Variants in PFAS observed in about 807,000 individuals in gnomAD.
The protein encoded by PFAS is phosphoribosylformylglycinamidine synthase.
PFAS carries 97 observed loss-of-function variants against 140.6 expected under a neutral mutation model. The observed-to-expected ratio is 0.69, with a 90% CI of 0.59 to 0.82. The LOEUF (loss-of-function observed/expected upper bound fraction) is 0.82, where lower values mean the gene tolerates loss of function less well. Among genes scored for constraint, PFAS ranks in the 40% least tolerant of loss-of-function variants. PFAS has a pLI of 0.00. For missense variants in PFAS, 1,656 were observed against 1,780.2 expected (o/e 0.93, Z 1.26); for synonymous variants, 679 against 718.8 (o/e 0.94, Z 0.88).
rs1368264352 is a variant in PFAS at position 8,267,636 on chromosome 17, G to C, written c.3353G>C (p.Ser1118Thr). Residue 1118 changes from serine (S) to threonine (T), a missense_variant, in exon 26 of 28, where the codon AGC becomes ACC. Physicochemically the swap from Ser to Thr is moderately conservative, Grantham distance 58. Around this residue, in one of 2 missense-constraint regions of PFAS, gnomAD observed 883 missense variants for 1,023.0 expected, o/e 0.86. Transcript: ENST00000314666. The surrounding 1 kb of genome is among the most constrained non-coding windows in gnomAD (Gnocchi z 4.9). Reference sequence around the variant, plus strand: ...GGCGTGGCCTTCGTGGGCGGCTTCAGCTATGCAGATGTCCTGGGCTCTGCC... The same window carrying C: ...GGCGTGGCCTTCGTGGGCGGCTTCACCTATGCAGATGTCCTGGGCTCTGCC... ...FRGVAFVGGF[S>T]YADVLGSAKG... The C allele has an allele frequency of 5.6e-6, 9 of 1,608,472 alleles. No homozygotes were observed. Among genetic ancestry groups the C allele is most frequent in the Non-Finnish European group, 7.7e-6 (9 of 1,174,954 alleles).
chr17:8,263,105 C>A lies in PFAS; in HGVS notation c.1411-4C>A. 6.2e-7 allele frequency: 1 copy of A among 1,613,988 alleles called. No individual in the cohort carries two copies. The highest frequency in any genetic ancestry group is 1.7e-4 in the Middle Eastern group (1 of 6,060). On this transcript the variant is annotated splice_polypyrimidine_tract_variant and splice_region_variant and intron_variant, in intron 12 of 27. Coordinates refer to ENST00000314666, the MANE Select transcript of PFAS (RefSeq NM_012393.3). Reference sequence around the variant, plus strand: ...GAGCTGAGCTATGCCATATATGCCCCCAGGTGCAGGGAGATAACACCAGTG... The same window carrying A: ...GAGCTGAGCTATGCCATATATGCCCACAGGTGCAGGGAGATAACACCAGTG...
At chr17:8,260,949 A>G (rs1346257474) in intron 11 of PFAS, among the ~76,000 whole-genome samples, 1 of 151,856 alleles carries the variant, frequency 6.6e-6, no homozygotes, top group African/African-American at 2.4e-5. Context: ...GTATGAACAT[A>G]TGTTATAATT....
rs904680438 is a variant in PFAS, at chr17:8,255,649, G to C, written c.532G>C (p.Gly178Arg). The change falls in exon 5 of 28, where the codon GGT becomes CGT. Residue 178 changes from glycine to arginine, a missense_variant. This residue lies in a region of PFAS where 773 missense variants were observed against 757.3 expected (regional missense o/e 1.02). Coordinates refer to ENST00000314666, the MANE Select transcript of PFAS (RefSeq NM_012393.3). ...EPLNGPINIL[G>R]EGRLALEKAN... ...CCTCAATGGCCCTATCAATATACTGGGTGAGGGCCGGCTTGCGCTGGAGAA... is the reference window on the plus strand; with the variant it reads ...CCTCAATGGCCCTATCAATATACTGCGTGAGGGCCGGCTTGCGCTGGAGAA... 6 of 1,582,534 alleles carry C rather than the reference G, an allele frequency of 3.8e-6. No individual in the cohort carries two copies. The highest frequency in any genetic ancestry group is 2.2e-5 in the East Asian group (1 of 44,718).
At position 8,269,478 on chromosome 17, in the gene PFAS, C is replaced by T; in HGVS notation, c.*214C>T. ...TTCAGTTCTGCTCTAACATGGCATG[C>T]CCTTTCTCAGCCCAGGAAACAGCAT... On this transcript the variant is annotated 3_prime_UTR_variant, in exon 28 of 28. Coordinates refer to ENST00000314666, the MANE Select transcript of PFAS (RefSeq NM_012393.3). 1 of 545,372 alleles carries T rather than the reference C, an allele frequency of 1.8e-6. No homozygotes were observed. The highest frequency in any genetic ancestry group is 2.9e-5 in the East Asian group (1 of 34,232). 33.8% of individuals were successfully genotyped at this position (545,372 alleles called of 1,614,324 possible). A position where few individuals can be genotyped will look rare whatever the true frequency, so the allele number is the denominator to read the frequency against.
chr17:8,258,061 C>T lies in PFAS; in HGVS notation c.1208-10C>T, dbSNP rs1989445097. 3 of 1,614,092 alleles carry T rather than the reference C, an allele frequency of 1.9e-6. No homozygotes were observed. Among genetic ancestry groups the T allele is most frequent in the Non-Finnish European group, 1.7e-6 (2 of 1,179,996 alleles). The stretch of plus-strand genomic sequence containing the variant: ...CTGAGTGACAGGTCCCTCTGATGTT[C>T]ACACTCCAGGCTTCGCCCGCTCCTT... On this transcript the variant is annotated splice_polypyrimidine_tract_variant and intron_variant, in intron 10 of 27. Coordinates refer to ENST00000314666, the MANE Select transcript of PFAS (RefSeq NM_012393.3).
Position 8,250,420 on chromosome 17 carries a change from G to C in PFAS, c.-80+1081G>C, listed in dbSNP as rs145204480. 3.2e-3 allele frequency among the ~76,000 whole-genome samples: 491 copies of C among 152,246 alleles called. 1 individual carries two copies. Among genetic ancestry groups the C allele is most frequent in the African/African-American group, 0.011 (445 of 41,542 alleles). ...AGGTAGTAGAGATGAAGAGATGAGA[G>C]ATTTGAGACATGATTGGAAATAGAT... On this transcript the variant is annotated intron_variant, in intron 1 of 27. Coordinates refer to ENST00000314666, the MANE Select transcript of PFAS (RefSeq NM_012393.3).
At chr17:8,250,936 T>G (rs886078979) in intron 1 of PFAS, among the ~76,000 whole-genome samples, 2 of 151,822 alleles carry the variant, frequency 1.3e-5, no homozygotes, top group Non-Finnish European at 2.9e-5. Flanking sequence ...AAACTGATTC[T>G]CATGCTCACT....
At position 8,267,318 on chromosome 17, in the gene PFAS, G is replaced by C; in HGVS notation, c.3176-54G>C. On this transcript the variant is annotated intron_variant, in intron 24 of 27. Coordinates refer to ENST00000314666, the MANE Select transcript of PFAS (RefSeq NM_012393.3). This position sits in a 1 kb window ranked among gnomAD's most constrained non-coding sequence, Gnocchi z 4.9. ...GCCTGCCCTCAGAAAGGTGTCTGGG[G>C]AGTTGGGGTGGGGAAGTGACTTTCT... is the stretch of plus-strand genomic sequence containing the variant. 2 of 1,595,164 alleles carry C rather than the reference G, an allele frequency of 1.3e-6. No homozygotes were observed. Among genetic ancestry groups the C allele is most frequent in the Non-Finnish European group, 1.7e-6 (2 of 1,163,572 alleles).
In PFAS at chr17:8,267,239, A is replaced by C. The variant is rs144759294; in HGVS notation, c.3175+4A>C. On this transcript the variant is annotated splice_donor_region_variant and intron_variant, in intron 24 of 27. Transcript: ENST00000314666. The surrounding 1 kb of genome is among the most constrained non-coding windows in gnomAD (Gnocchi z 4.9). ...GCCTCCGTGCCCCGTGAGCCTGGTG[A>C]GGGAGTGTGTGCAGAGGCTCCGCGT... The C allele has an allele frequency of 3.1e-3, 4,950 of 1,608,444 alleles. 9 individuals are homozygous for C. Among genetic ancestry groups the C allele is most frequent in the Non-Finnish European group, 3.2e-3 (3,807 of 1,176,500 alleles).
intron 3 of PFAS, 23 bp downstream of exon 3, chr17:8,254,324 C>G: frequency 6.2e-7 from 1 of 1,613,008 alleles, no homozygotes; most frequent in Non-Finnish European, 8.5e-7. Context: ...TCCTGCCCAC[C>G]CCTTTCTTCT....
rs1989305958 is a variant in PFAS, at chr17:8,255,069, G to C, written c.321G>C (p.Val107=). 6.2e-7 allele frequency: 1 copy of C among 1,613,872 alleles called. No individual in the cohort carries two copies. Among genetic ancestry groups the C allele is most frequent in the Admixed American group, 1.7e-5 (1 of 60,004 alleles). Reference sequence around the variant, plus strand: ...CAACATCCACCAACATCGTGTCAGTGTGCCGCGCCACTGGGCTGGGGCCTG... The same window carrying C: ...CAACATCCACCAACATCGTGTCAGTCTGCCGCGCCACTGGGCTGGGGCCTG... ...STPTSTNIVS[V]CRATGLGPVD... is the part of the protein sequence containing the mutation. Residue 107 remains valine (V), a synonymous_variant, in exon 4 of 28, where the codon GTG becomes GTC. Coordinates refer to ENST00000314666, the MANE Select transcript of PFAS (RefSeq NM_012393.3).
At chr17:8,262,210 C>T (rs1989621163) in intron 11 of PFAS, among the ~76,000 whole-genome samples, 1 of 151,954 alleles carries the variant, frequency 6.6e-6, no homozygotes, top group African/African-American at 2.4e-5. Flanking sequence ...CCTATATTCT[C>T]TTTTTTTGGT....
At chr17:8,261,508 G>A (rs1169485019) in intron 11 of PFAS, among the ~76,000 whole-genome samples, 1 of 152,122 alleles carries the variant, frequency 6.6e-6, no homozygotes, top group East Asian at 1.9e-4. Flanking sequence ...CAAAGTGCTA[G>A]GATTACAGGC....
At chr17:8,250,938 A>C (rs1275616602) in intron 1 of PFAS, among the ~76,000 whole-genome samples, 1 of 151,648 alleles carries the variant, frequency 6.6e-6, no homozygotes, top group Non-Finnish European at 1.5e-5. Context: ...ACTGATTCTC[A>C]TGCTCACTTG....
At position 8,256,955 on chromosome 17, in the gene PFAS, A is replaced by G; in HGVS notation, c.1067A>G (p.His356Arg). Residue 356 changes from histidine to arginine, a missense_variant, in exon 9 of 28, where the codon CAT becomes CGT. His to Arg is a conservative substitution (Grantham distance 29, BLOSUM62 0). Around this residue, in one of 2 missense-constraint regions of PFAS, gnomAD observed 773 missense variants for 757.3 expected, o/e 1.02. Transcript: ENST00000314666. The part of the protein sequence containing the change: ...GTAGYCFGNL[H>R]IPGYNLPWED... ...GCCGGCTATTGCTTTGGAAATCTGCATATTCCAGGTTCCATCTCCTTCCTC... is the reference window on the plus strand; with the variant it reads ...GCCGGCTATTGCTTTGGAAATCTGCGTATTCCAGGTTCCATCTCCTTCCTC... The G allele has an allele frequency of 2.5e-6, 4 of 1,614,166 alleles. No individual in the cohort carries two copies. The highest frequency in any genetic ancestry group is 3.4e-6 in the Non-Finnish European group (4 of 1,180,014).
At position 8,263,819 on chromosome 17, in the gene PFAS, G is replaced by A; in HGVS notation, c.1674G>A (p.Glu558=). Residue 558 remains glutamate (E), a synonymous_variant, in exon 15 of 28, where the codon GAG becomes GAA. Coordinates refer to ENST00000314666, the MANE Select transcript of PFAS (RefSeq NM_012393.3). ...ATGCCCTGGAAATCTGGGGGGCTGA[G>A]TACCAGGAATCAAATGCTCTTCTGC... is the stretch of plus-strand genomic sequence containing the variant. ...TLNALEIWGA[E]YQESNALLLR... 1.9e-6 allele frequency: 3 copies of A among 1,614,140 alleles called. No individual in the cohort carries two copies. Among genetic ancestry groups the A allele is most frequent in the Admixed American group, 1.7e-5 (1 of 60,016 alleles).
In PFAS at chr17:8,266,064, C is replaced by G; in HGVS notation, c.2701+47C>G. 6.4e-7 allele frequency: 1 copy of G among 1,555,168 alleles called. No individual in the cohort carries two copies. The highest frequency in any genetic ancestry group is 8.7e-7 in the Non-Finnish European group (1 of 1,143,918). On this transcript the variant is annotated intron_variant, in intron 21 of 27. Coordinates refer to ENST00000314666, the MANE Select transcript of PFAS (RefSeq NM_012393.3). The surrounding 1 kb of genome is among the most constrained non-coding windows in gnomAD (Gnocchi z 5.0). ...GATAGCGCACAGGGTGCCAGGCGTG[C>G]AGCAGGCGTTCACCATCTGAGCAGT...
rs1217053959 is a variant in PFAS, at chr17:8,269,833, C to A, written c.*569C>A. On this transcript the variant is annotated 3_prime_UTR_variant, in exon 28 of 28. Transcript: ENST00000314666. ...GCGTTTCTGGCTGTCTTAGGGCTGG[C>A]CTCAGAACCCAGCATTCCTGTTATT... The A allele has an allele frequency of 1.3e-5, 2 of 152,110 alleles. No individual in the cohort carries two copies. The highest frequency in any genetic ancestry group is 2.9e-5 in the Non-Finnish European group (2 of 68,190). The allele number at this position is 152,110 out of a possible 1,614,324, so 9.4% of individuals were successfully genotyped here. A position where few individuals can be genotyped will look rare whatever the true frequency, so the allele number is the denominator to read the frequency against.
In PFAS at chr17:8,258,052, T is replaced by C; in HGVS notation, c.1208-19T>C. Reference sequence around the variant, plus strand: ...CTGGGGGAACTGAGTGACAGGTCCCTCTGATGTTCACACTCCAGGCTTCGC... The same window carrying C: ...CTGGGGGAACTGAGTGACAGGTCCCCCTGATGTTCACACTCCAGGCTTCGC... On this transcript the variant is annotated intron_variant, in intron 10 of 27. Coordinates refer to ENST00000314666, the MANE Select transcript of PFAS (RefSeq NM_012393.3). The C allele has an allele frequency of 3.1e-6, 5 of 1,614,108 alleles. No homozygotes were observed. Among genetic ancestry groups the C allele is most frequent in the Non-Finnish European group, 4.2e-6 (5 of 1,179,990 alleles).
Sources: gnomAD v4.1 joint callset for allele counts (sites outside exome capture counted in the v4.1 genomes callset) on GRCh38, gnomAD v4.1.1 for gene constraint, gnomAD v4.1.1 regional missense constraint, Gnocchi (gnomAD v3.1) non-coding constraint, MANE v1.5 for transcripts, NCBI Gene and HGNC (gene_info 2026-07-23, HGNC 2026-07-21) for gene names.